RYR1: variants seen among roughly 807,000 people sequenced by gnomAD.
RYR1 encodes the protein ryanodine receptor 1.
RYR1 carries 342 observed loss-of-function variants against 583.5 expected under a neutral mutation model. That is an observed-to-expected ratio of 0.59 (90% CI 0.54 to 0.64). The LOEUF is 0.64. Ranked by LOEUF, RYR1 falls within the 30% of genes least tolerant of loss-of-function variation. RYR1 has a pLI of 0.00. For synonymous variants in RYR1, 2,791 were observed against 2,822.5 expected (o/e 0.99, Z 0.35); for missense variants, 6,032 against 6,917.2 (o/e 0.87, Z 4.54).
At chr19:38,536,960 C>A in intron 83 of RYR1, 193 bp downstream of exon 83, 1 of 636,920 alleles carries the variant, frequency 1.6e-6, no homozygotes, top group South Asian at 1.9e-5. Flanking sequence ...AGATCAGCCA[C>A]TGAGAATACA....
Position 38,499,730 on chromosome 19 carries a change from G to T in RYR1, c.7123G>T (p.Gly2375Trp). Residue 2375 changes from glycine to tryptophan, a missense_variant, in exon 44 of 106, where the codon GGG becomes TGG. Physicochemically the swap from Gly to Trp is radical, Grantham distance 184. This residue lies in a region of RYR1 where 2,627 missense variants were observed against 2,961.3 expected (regional missense o/e 0.89). Coordinates refer to ENST00000359596, the MANE Select transcript of RYR1 (RefSeq NM_000540.3). The surrounding 1 kb of genome is among the most constrained non-coding windows in gnomAD (Gnocchi z 7.3). ...GPALRGEGGS[G>W]LLAAIEEAIR... ...CGCCCTGCGGGGTGAGGGTGGCTCA[G>T]GGCTGCTGGCTGCCATCGAAGAGGC... 6.2e-7 allele frequency: 1 copy of T among 1,601,906 alleles called. No homozygotes were observed. The highest frequency in any genetic ancestry group is 2.2e-5 in the East Asian group (1 of 44,800).
intron 84 of RYR1, among the ~76,000 whole-genome samples, chr19:38,538,185 G>A (rs1173100387): frequency 3.3e-5 from 5 of 152,256 alleles, no homozygotes; most frequent in African/African-American, 9.6e-5. Context: ...ATCTCCTGAG[G>A]TCAGGAGTTC....
At chr19:38,551,025 C>CTTTTTTTTTTT (rs71165560) in intron 89 of RYR1, among the ~76,000 whole-genome samples, 1 of 41,358 alleles carries the variant, frequency 2.4e-5, no homozygotes, top group African/African-American at 8.5e-5. Flanking sequence ...GGATTCACGG[C>CTTTTTTTTTTT]TTTTTTTTTT....
At chr19:38,502,804 C>CAGGGGCAGGGGGAGGGGGAAGGGGG in intron 48 of RYR1, 76 bp from the exon 49 acceptor site, 1 of 861,440 alleles carries the variant, frequency 1.2e-6, no homozygotes, top group Admixed American at 3.9e-5. Context: ...GGGGCAGGGG[C>CAGGGGCAGGGGGAGGGGGAAGGGGG]AGGGGGAGGA....
At chr19:38,510,907 G>A (rs1236393260) in intron 60 of RYR1, 126 bp downstream of exon 60, 5 of 1,390,792 alleles carry the variant, frequency 3.6e-6, no homozygotes, top group Non-Finnish European at 5.0e-6. Flanking sequence ...GCGATTGAAG[G>A]GTGACCAGCC....
Position 38,561,503 on chromosome 19 carries a change from T to C in RYR1, c.12624+49T>C. 6.4e-7 allele frequency: 1 copy of C among 1,553,002 alleles called. No individual in the cohort carries two copies. Among genetic ancestry groups the C allele is most frequent in the Non-Finnish European group, 8.7e-7 (1 of 1,147,234 alleles). ...AGCTCGCCTCCTGGGGCTTCGGGCATGCGGGTGCTCACTTCCTGCACCCTC... is the reference window on the plus strand; with the variant it reads ...AGCTCGCCTCCTGGGGCTTCGGGCACGCGGGTGCTCACTTCCTGCACCCTC... On this transcript the variant is annotated intron_variant, in intron 90 of 105. Transcript: ENST00000359596. The surrounding 1 kb of genome is among the most constrained non-coding windows in gnomAD (Gnocchi z 4.8).
intron 16 of RYR1, among the ~76,000 whole-genome samples, chr19:38,456,847 C>T (rs1317760587): frequency 1.3e-5 from 2 of 151,022 alleles, no homozygotes; most frequent in African/African-American, 4.8e-5. Context: ...GAGATCGAGA[C>T]CATCCTGGCT....
At chr19:38,535,043 C>A (rs1971906654) in intron 79 of RYR1, 98 bp from the exon 80 acceptor site, 4 of 1,271,892 alleles carry the variant, frequency 3.1e-6, no homozygotes, top group Non-Finnish European at 3.4e-6. Context: ...ACTCTTAAAT[C>A]CCCTTCTCTC....
intron 60 of RYR1, 41 bp from the exon 61 acceptor site, chr19:38,511,520 T>C: frequency 1.2e-6 from 2 of 1,611,190 alleles, no homozygotes; most frequent in Non-Finnish European, 1.7e-6. Context: ...GCCTCCTCAC[T>C]CGCTGTTTCT....
intron 89 of RYR1, among the ~76,000 whole-genome samples, chr19:38,556,479 TAAA>T (rs199640435): frequency 1.4e-5 from 2 of 141,522 alleles, no homozygotes; most frequent in African/African-American, 5.2e-5. Flanking sequence ...AAGACTCTGT[TAAA>T]AAAAAAAAAA....
At position 38,433,873 on chromosome 19, in the gene RYR1, C is replaced by T. The variant is rs762955465; in HGVS notation, c.44C>T (p.Thr15Met). ...GAAGACGAGGTCCAGTTCCTGCGGA[C>T]GGTGCGTATCTCTGGGTTAGGGGCC... ...EGEDEVQFLRTDDEVVLQCSA... is the reference protein window; with the variant it reads ...EGEDEVQFLRMDDEVVLQCSA... The change falls in exon 1 of 106, where the codon ACG (threonine) becomes ATG (methionine). Residue 15 changes from threonine to methionine, a missense_variant and splice_region_variant. Coordinates refer to ENST00000359596, the MANE Select transcript of RYR1 (RefSeq NM_000540.3). 3 of 1,613,198 alleles carry T rather than the reference C, an allele frequency of 1.9e-6. No individual in the cohort carries two copies. Among genetic ancestry groups the T allele is most frequent in the African/African-American group, 2.7e-5 (2 of 74,810 alleles).
chr19:38,531,832 G>A (rs562359771), intron 76 of RYR1, among the ~76,000 whole-genome samples: 17 of 152,286 alleles, frequency 1.1e-4, no homozygotes, highest in African/African-American at 2.9e-4. Context: ...TTGAGCCTGG[G>A]AGGTTGAGGC....
chr19:38,561,061 A>G lies in RYR1; in HGVS notation c.12283-52A>G. 1 of 1,325,856 alleles carries G rather than the reference A, an allele frequency of 7.5e-7. No individual in the cohort carries two copies. Among genetic ancestry groups the G allele is most frequent in the Non-Finnish European group, 1.1e-6 (1 of 949,394 alleles). 82.1% of individuals were successfully genotyped at this position (1,325,856 alleles called of 1,614,324 possible). On this transcript the variant is annotated intron_variant, in intron 89 of 105. Coordinates refer to ENST00000359596, the MANE Select transcript of RYR1 (RefSeq NM_000540.3). This position sits in a 1 kb window ranked among gnomAD's most constrained non-coding sequence, Gnocchi z 4.8. ...GTCTTAAAAAAAAAAAAAAAAAGAG[A>G]GAGAATTGAGGCTCTCCAGGTCACC...
In RYR1 at chr19:38,512,010, G is replaced by T; in HGVS notation, c.9173-62G>T. On this transcript the variant is annotated intron_variant, in intron 61 of 105. Transcript: ENST00000359596. The surrounding 1 kb of genome is among the most constrained non-coding windows in gnomAD (Gnocchi z 5.1). ...AGAGAGCGGTTGGGGTGGATGTAGA[G>T]GGAGGCACTGTCCTCTGTCCTCTTA... is the stretch of plus-strand genomic sequence containing the variant. 6.4e-7 allele frequency: 1 copy of T among 1,564,322 alleles called. No homozygotes were observed. The highest frequency in any genetic ancestry group is 8.7e-7 in the Non-Finnish European group (1 of 1,144,082).
chr19:38,580,036 A>T lies in RYR1; in HGVS notation c.14419A>T (p.Asn4807Tyr), dbSNP rs756892883. The change falls in exon 100 of 106, where the codon AAC becomes TAC. Residue 4807 changes from asparagine (N) to tyrosine (Y), a missense_variant. This residue lies in a region of RYR1 where 189 missense variants were observed against 350.3 expected (regional missense o/e 0.54). Coordinates refer to ENST00000359596, the MANE Select transcript of RYR1 (RefSeq NM_000540.3). Reference sequence around the variant, plus strand: ...GATGTCCCTCTTGGGACACTACAACAACTTCTTCTTTGCTGCCCATCTCCT... The same window carrying T: ...GATGTCCCTCTTGGGACACTACAACTACTTCTTCTTTGCTGCCCATCTCCT... ...MVMSLLGHYNNFFFAAHLLDI... is the reference protein window; with the variant it reads ...MVMSLLGHYNYFFFAAHLLDI... 8 of 1,614,088 alleles carry T rather than the reference A, an allele frequency of 5.0e-6. No individual in the cohort carries two copies. Among genetic ancestry groups the T allele is most frequent in the Non-Finnish European group, 3.4e-6 (4 of 1,180,014 alleles).
At chr19:38,511,631 G>C in intron 61 of RYR1, 21 bp downstream of exon 61, 2 of 1,613,266 alleles carry the variant, frequency 1.2e-6, no homozygotes, top group South Asian at 1.1e-5. Flanking sequence ...CCACACCTTC[G>C]GTCTTCCTCC....
chr19:38,520,717 AAAG>A (rs1179574632), intron 67 of RYR1, among the ~76,000 whole-genome samples: 1 of 149,882 alleles, frequency 6.7e-6, no homozygotes, highest in Non-Finnish European at 1.5e-5. Context: ...AAAAAAAAAA[AAAG>A]ATGTATAGAT....
chr19:38,433,746 G>GGCCCCCCC lies in RYR1; in HGVS notation c.-84_-83insGCCCCCCC. 1 of 520,730 alleles carries GGCCCCCCC rather than the reference G, an allele frequency of 1.9e-6. No individual in the cohort carries two copies. Among genetic ancestry groups the GGCCCCCCC allele is most frequent in the Non-Finnish European group, 3.7e-6 (1 of 269,358 alleles). The allele number at this position is 520,730 out of a possible 1,614,324, so 32.3% of individuals were successfully genotyped here. On this transcript the variant is annotated 5_prime_UTR_variant, in exon 1 of 106. Transcript: ENST00000359596. ...GTGTCTCCAGAGGTCTCCGACCCCA[G>GGCCCCCCC]CCCGCCCCCAGCCCTCCCGCCCAGC...
chr19:38,579,108 G>A (rs574948259), intron 99 of RYR1, among the ~76,000 whole-genome samples: 56 of 149,866 alleles, frequency 3.7e-4, no homozygotes, highest in African/African-American at 1.3e-3. Flanking sequence ...ATAACAGAGC[G>A]AGACCCTGTC....
Sources: gnomAD v4.1 joint callset for allele counts (sites outside exome capture counted in the v4.1 genomes callset) on GRCh38, gnomAD v4.1.1 for gene constraint, gnomAD v4.1.1 regional missense constraint, Gnocchi (gnomAD v3.1) non-coding constraint, MANE v1.5 for transcripts, NCBI Gene and HGNC (gene_info 2026-07-23, HGNC 2026-07-21) for gene names.